The following KCNB2 variants were observed in gnomAD, a reference collection of about 807,000 sequenced individuals.
KCNB2 encodes the protein potassium voltage-gated channel subfamily B member 2.
KCNB2 carries 15 observed loss-of-function variants against 61.5 expected under a neutral mutation model. That is an observed-to-expected ratio of 0.24 (90% CI 0.16 to 0.38). The LOEUF (loss-of-function observed/expected upper bound fraction) is 0.38. Among genes scored for constraint, KCNB2 ranks in the 10% least tolerant of loss-of-function variants. KCNB2 has a pLI of 1.00. For missense variants in KCNB2, 828 were observed against 1,125.2 expected (o/e 0.74, Z 3.78); for synonymous variants, 457 against 446.0 (o/e 1.02, Z -0.31).
chr8:72,901,317 A>G (rs1563418199), intron 2 of KCNB2, among the ~76,000 whole-genome samples: 1 of 152,170 alleles, frequency 6.6e-6, no homozygotes. Flanking sequence ...CTGGCAAGAA[A>G]CAGTAGCAGG....
intron 2 of KCNB2, among the ~76,000 whole-genome samples, chr8:72,690,093 G>A (rs1459547140): frequency 1.3e-5 from 2 of 151,812 alleles, no homozygotes; most frequent in Admixed American, 6.6e-5. Flanking sequence ...CTGTAGTAGG[G>A]TGCTATAAGA....
intron 2 of KCNB2, among the ~76,000 whole-genome samples, chr8:72,864,972 T>C (rs1317454715): frequency 6.6e-6 from 1 of 152,098 alleles, no homozygotes; most frequent in African/African-American, 2.4e-5. Context: ...TTTCATCTTC[T>C]CCCCCAACCT....
rs1350773195 is a variant in KCNB2, at chr8:72,839,053, T to C, written c.580-96882T>C. Among the ~76,000 whole-genome samples, 3 of 152,168 alleles carry C rather than the reference T, an allele frequency of 2.0e-5. No homozygotes were observed. The East Asian group carries it at 5.8e-4, about 29-fold the overall frequency. On this transcript the variant is annotated intron_variant, in intron 2 of 2. Coordinates refer to ENST00000523207, the MANE Select transcript of KCNB2 (RefSeq NM_004770.3). ...CATACACTATTTTAAACAATTATAA[T>C]AATAGTAAAAATCACCCCATTAGAA...
intron 2 of KCNB2, among the ~76,000 whole-genome samples, chr8:72,646,189 T>C (rs1479972461): frequency 6.6e-6 from 1 of 152,008 alleles, no homozygotes; most frequent in East Asian, 1.9e-4. Context: ...ATACTATATA[T>C]ACTTAAATAT....
intron 1 of KCNB2, among the ~76,000 whole-genome samples, chr8:72,563,901 C>G (rs1346592828): frequency 6.6e-6 from 1 of 152,132 alleles, no homozygotes; most frequent in African/African-American, 2.4e-5. Flanking sequence ...AATAAAAAAT[C>G]TTTTAACCAT....
chr8:72,913,288 T>A (rs554835960), intron 2 of KCNB2, among the ~76,000 whole-genome samples: 2 of 152,322 alleles, frequency 1.3e-5, no homozygotes, highest in East Asian at 3.9e-4. Flanking sequence ...ATTTCTATCA[T>A]AATTTATTTC....
chr8:72,854,991 G>A lies in KCNB2; in HGVS notation c.580-80944G>A, dbSNP rs369898052. 9.9e-5 allele frequency among the ~76,000 whole-genome samples: 15 copies of A among 152,272 alleles called. No homozygotes were observed. The East Asian group carries it at 2.9e-3, about 29-fold the overall frequency. ...TTCCACATCAAGCGACTGTGCCCACGTTAGTTCTAGGAGGCCTTCCCAGTG... is the reference window on the plus strand; with the variant it reads ...TTCCACATCAAGCGACTGTGCCCACATTAGTTCTAGGAGGCCTTCCCAGTG... On this transcript the variant is annotated intron_variant, in intron 2 of 2. Coordinates refer to ENST00000523207, the MANE Select transcript of KCNB2 (RefSeq NM_004770.3).
chr8:72,841,650 T>A (rs1809889527), intron 2 of KCNB2, among the ~76,000 whole-genome samples: 1 of 152,192 alleles, frequency 6.6e-6, no homozygotes, highest in Admixed American at 6.5e-5. Flanking sequence ...GTCCTTCACA[T>A]CCCTCGTAAG....
At chr8:72,551,987 G>T (rs1326170445) in intron 1 of KCNB2, among the ~76,000 whole-genome samples, 1 of 152,172 alleles carries the variant, frequency 6.6e-6, no homozygotes, top group Non-Finnish European at 1.5e-5. Flanking sequence ...GCTGTTCAGG[G>T]TAGGGCAGGA....
chr8:72,587,985 G>A (rs1391797335), intron 2 of KCNB2, among the ~76,000 whole-genome samples: 1 of 152,056 alleles, frequency 6.6e-6, no homozygotes, highest in Non-Finnish European at 1.5e-5. Flanking sequence ...AAGAAAAAAT[G>A]GTTAATGTTA....
intron 2 of KCNB2, among the ~76,000 whole-genome samples, chr8:72,617,150 C>T (rs543475412): frequency 1.4e-4 from 21 of 152,312 alleles, no homozygotes; most frequent in African/African-American, 3.8e-4. Flanking sequence ...TCATTTCCCT[C>T]TCTTTCCTCC....
chr8:72,663,586 G>C (rs1806414261), intron 2 of KCNB2, among the ~76,000 whole-genome samples: 1 of 152,076 alleles, frequency 6.6e-6, no homozygotes, highest in African/African-American at 2.4e-5. Context: ...TTATAATTTA[G>C]TATAACACTC....
intron 2 of KCNB2, among the ~76,000 whole-genome samples, chr8:72,596,640 CT>C (rs1398599883): frequency 6.6e-6 from 1 of 152,102 alleles, no homozygotes; most frequent in African/African-American, 2.4e-5. Context: ...TACATTTTAC[CT>C]AATTTCAAAG....
chr8:72,899,889 G>A (rs1453871302), intron 2 of KCNB2, among the ~76,000 whole-genome samples: 1 of 152,126 alleles, frequency 6.6e-6, no homozygotes, highest in African/African-American at 2.4e-5. Flanking sequence ...CAGAAAACAG[G>A]CCAGTTGTCA....
chr8:72,594,159 T>C (rs1482134605), intron 2 of KCNB2, among the ~76,000 whole-genome samples: 1 of 152,184 alleles, frequency 6.6e-6, no homozygotes, highest in East Asian at 1.9e-4. Context: ...TCTATTGATA[T>C]ATATGATAGC....
Position 72,738,949 on chromosome 8 carries a change from T to C in KCNB2, c.579+170636T>C, listed in dbSNP as rs1272081317. Among the ~76,000 whole-genome samples the C allele has an allele frequency of 2.0e-5, 3 of 152,260 alleles. No individual in the cohort carries two copies. The East Asian group carries it at 5.8e-4, about 29-fold the overall frequency. ...ATTTTGACATCAAGTTTAATAGGTT[T>C]TTAAAAAAATTATTTACATATTCCA... On this transcript the variant is annotated intron_variant, in intron 2 of 2. Coordinates refer to ENST00000523207, the MANE Select transcript of KCNB2 (RefSeq NM_004770.3).
At chr8:72,654,977 C>T (rs910984085) in intron 2 of KCNB2, among the ~76,000 whole-genome samples, 4 of 152,062 alleles carry the variant, frequency 2.6e-5, no homozygotes, top group Admixed American at 1.3e-4. Flanking sequence ...AATCATTCTT[C>T]CATAAAGACA....
intron 2 of KCNB2, among the ~76,000 whole-genome samples, chr8:72,849,734 T>A (rs926475060): frequency 2.0e-5 from 3 of 152,238 alleles, no homozygotes; most frequent in Non-Finnish European, 4.4e-5. Flanking sequence ...GGAGCTCTCC[T>A]GGTATCCACT....
chr8:72,597,061 G>T, intron 2 of KCNB2, among the ~76,000 whole-genome samples: 1 of 115,618 alleles, frequency 8.6e-6, no homozygotes, highest in African/African-American at 3.4e-5. Context: ...CTCTCATTCT[G>T]TCACCAGGCT....
Sources: gnomAD v4.1 joint callset for allele counts (sites outside exome capture counted in the v4.1 genomes callset) on GRCh38, gnomAD v4.1.1 for gene constraint, MANE v1.5 for transcripts, NCBI Gene and HGNC (gene_info 2026-07-23, HGNC 2026-07-21) for gene names.